The following UNC5D variants were observed in gnomAD, a reference collection of about 807,000 sequenced individuals.
UNC5D encodes the protein netrin receptor UNC5D.
A neutral mutation model predicts 105.4 loss-of-function variants in UNC5D; 39 were observed. The observed-to-expected ratio is 0.37, with a 90% CI of 0.29 to 0.48. The LOEUF (loss-of-function observed/expected upper bound fraction) is 0.48. Among genes scored for constraint, UNC5D ranks in the 20% least tolerant of loss-of-function variants. The pLI is 0.98. For missense variants in UNC5D, 991 were observed against 1,202.4 expected, an observed-to-expected ratio of 0.82 and a Z score of 2.60; for synonymous variants, 452 against 450.4, an observed-to-expected ratio of 1.00 and a Z score of -0.04.
At chr8:35,446,030 T>G (rs545886334) in intron 1 of UNC5D, among the ~76,000 whole-genome samples, 73 of 152,056 alleles carry the variant, frequency 4.8e-4, no homozygotes, top group Non-Finnish European at 9.3e-4. Flanking sequence ...TTCTATAGGT[T>G]TTTGGGGAAC....
chr8:35,555,322 A>G (rs1025883343), intron 2 of UNC5D, among the ~76,000 whole-genome samples: 1 of 152,212 alleles, frequency 6.6e-6, no homozygotes, highest in African/African-American at 2.4e-5. Flanking sequence ...TAGAGTATGA[A>G]GGCCTTGTTT....
intron 16 of UNC5D, among the ~76,000 whole-genome samples, chr8:35,778,510 GC>G (rs1333426603): frequency 6.6e-6 from 1 of 152,074 alleles, no homozygotes; most frequent in Non-Finnish European, 1.5e-5. Context: ...TTGTCTCTAT[GC>G]CAACATTATT....
intron 1 of UNC5D, among the ~76,000 whole-genome samples, chr8:35,330,243 A>G (rs1024608442): frequency 1.3e-5 from 2 of 152,238 alleles, no homozygotes; most frequent in African/African-American, 4.8e-5. Flanking sequence ...TAACTGCTCA[A>G]TAAATGCCTC....
At chr8:35,412,918 A>G (rs1308473957) in intron 1 of UNC5D, among the ~76,000 whole-genome samples, 1 of 152,120 alleles carries the variant, frequency 6.6e-6, no homozygotes, top group Non-Finnish European at 1.5e-5. Context: ...AGAGGAAGTC[A>G]GGTATGCATG....
At chr8:35,736,492 G>A (rs976949109) in intron 11 of UNC5D, among the ~76,000 whole-genome samples, 9 of 152,172 alleles carry the variant, frequency 5.9e-5, no homozygotes, top group African/African-American at 1.9e-4. Context: ...TACTATGGAT[G>A]GTTTCAACAA....
intron 1 of UNC5D, among the ~76,000 whole-genome samples, chr8:35,411,947 A>G (rs985077261): frequency 7.9e-5 from 12 of 152,078 alleles, no homozygotes; most frequent in Admixed American, 4.6e-4. Flanking sequence ...ATGTCACCTC[A>G]TGTCCTCGCC....
intron 1 of UNC5D, among the ~76,000 whole-genome samples, chr8:35,536,953 G>GCA: frequency 6.6e-6 from 1 of 152,142 alleles, no homozygotes; most frequent in East Asian, 1.9e-4. Context: ...CTGAGATCGT[G>GCA]CCACTGCACT....
chr8:35,520,351 G>C (rs1477787268), intron 1 of UNC5D, among the ~76,000 whole-genome samples: 2 of 152,152 alleles, frequency 1.3e-5, no homozygotes, highest in Middle Eastern at 3.4e-3. Flanking sequence ...AAATACCCAA[G>C]GTAGGCAAAT....
chr8:35,790,231 T>TAGGA, intron 16 of UNC5D, 128 bp from the exon 17 acceptor site: 2 of 1,004,130 alleles, frequency 2.0e-6, no homozygotes, highest in Non-Finnish European at 2.9e-6. Flanking sequence ...CCTGCCTTAC[T>TAGGA]ATAGCTTTTT....
At chr8:35,623,960 G>C (rs551444391) in intron 4 of UNC5D, among the ~76,000 whole-genome samples, 7 of 152,060 alleles carry the variant, frequency 4.6e-5, no homozygotes, top group Admixed American at 3.9e-4. Context: ...GGCGCCTGTA[G>C]TCCCAGCTAC....
chr8:35,273,714 G>A (rs1805580571), intron 1 of UNC5D, among the ~76,000 whole-genome samples: 1 of 152,122 alleles, frequency 6.6e-6, no homozygotes, highest in African/African-American at 2.4e-5. Flanking sequence ...ACTCTAGGAT[G>A]GTAATATTTG....
At chr8:35,424,034 A>T (rs1251863746) in intron 1 of UNC5D, among the ~76,000 whole-genome samples, 1 of 152,136 alleles carries the variant, frequency 6.6e-6, no homozygotes, top group African/African-American at 2.4e-5. Flanking sequence ...TACTGGCTTC[A>T]AGCCATCCTC....
chr8:35,351,913 C>T (rs1467313485), intron 1 of UNC5D, among the ~76,000 whole-genome samples: 1 of 151,884 alleles, frequency 6.6e-6, no homozygotes, highest in Non-Finnish European at 1.5e-5. Flanking sequence ...AACATGCATA[C>T]ATTGGTTAAC....
At chr8:35,461,445 T>G (rs1808888929) in intron 1 of UNC5D, among the ~76,000 whole-genome samples, 1 of 152,122 alleles carries the variant, frequency 6.6e-6, no homozygotes, top group South Asian at 2.1e-4. Flanking sequence ...TGGAGCTGTG[T>G]TTGGTGGTGG....
At chr8:35,652,915 ATTTTTTTTTT>A (rs34611902) in intron 4 of UNC5D, among the ~76,000 whole-genome samples, 5 of 49,156 alleles carry the variant, frequency 1.0e-4, no homozygotes, top group Non-Finnish European at 1.9e-4. Context: ...ACAAGTGAGG[ATTTTTTTTTT>A]TTTTTTTTTT....
intron 14 of UNC5D, among the ~76,000 whole-genome samples, chr8:35,764,594 A>G (rs1801682928): frequency 6.6e-6 from 1 of 152,240 alleles, no homozygotes; most frequent in Non-Finnish European, 1.5e-5. Context: ...GCATTGCAGG[A>G]GGCCCCACAA....
chr8:35,466,320 T>C (rs1369150247), intron 1 of UNC5D, among the ~76,000 whole-genome samples: 11 of 152,346 alleles, frequency 7.2e-5, no homozygotes, highest in South Asian at 2.1e-4. Context: ...CTCTTGAACA[T>C]AACTAAAACC....
intron 8 of UNC5D, 95 bp from the exon 9 acceptor site, chr8:35,722,115 T>C: frequency 7.1e-7 from 1 of 1,399,418 alleles, no homozygotes; most frequent in Non-Finnish European, 9.8e-7. Context: ...GAGCAGTAGC[T>C]CCAAAAATCC....
chr8:35,442,713 T>C (rs928137940), intron 1 of UNC5D, among the ~76,000 whole-genome samples: 46 of 151,976 alleles, frequency 3.0e-4, no homozygotes, highest in African/African-American at 1.1e-3. Flanking sequence ...TGTTAATTAA[T>C]AAAAGCTCTC....
Sources: gnomAD v4.1 joint callset for allele counts (sites outside exome capture counted in the v4.1 genomes callset) on GRCh38, gnomAD v4.1.1 for gene constraint, MANE v1.5 for transcripts, NCBI Gene and HGNC (gene_info 2026-07-23, HGNC 2026-07-21) for gene names.